SRBD1: variants seen among roughly 807,000 people sequenced by gnomAD.
SRBD1 encodes the protein S1 RNA-binding domain-containing protein 1.
Under a neutral mutation model 115.3 loss-of-function variants are expected in SRBD1, and 88 were observed. The observed-to-expected ratio is 0.76, with a 90% CI of 0.64 to 0.91. SRBD1 has a LOEUF of 0.91. Among genes scored for constraint, SRBD1 ranks in the 40% least tolerant of loss-of-function variants. SRBD1 has a pLI of 0.00. For synonymous variants in SRBD1, 509 were observed against 407.7 expected (o/e 1.25, Z -2.99); for missense variants, 1,385 against 1,177.4 (o/e 1.18, Z -2.58).
At chr2:45,398,917 T>C (rs1234856045) in intron 19 of SRBD1, among the ~76,000 whole-genome samples, 2 of 152,280 alleles carry the variant, frequency 1.3e-5, no homozygotes, top group East Asian at 3.9e-4. Flanking sequence ...TATATAAAAA[T>C]AGGAAAGGTG....
At position 45,444,106 on chromosome 2, in the gene SRBD1, C is replaced by T. The variant is rs142903338; in HGVS notation, c.2050-24212G>A. Among the ~76,000 whole-genome samples, 195 of 152,216 alleles carry T rather than the reference C, an allele frequency of 1.3e-3. 1 individual carries two copies. Among genetic ancestry groups the T allele is most frequent in the Non-Finnish European group, 2.1e-3 (144 of 68,018 alleles). ...CCATTTTACAGTACTAACACCAGAACATATTAATATTTATACTGGCCAGGA... is the reference window on the plus strand; with the variant it reads ...CCATTTTACAGTACTAACACCAGAATATATTAATATTTATACTGGCCAGGA... On this transcript the variant is annotated intron_variant, in intron 16 of 20. Coordinates refer to ENST00000263736, the MANE Select transcript of SRBD1 (RefSeq NM_018079.5).
intron 16 of SRBD1, among the ~76,000 whole-genome samples, chr2:45,462,910 G>A (rs981626160): frequency 1.9e-4 from 28 of 151,056 alleles, no homozygotes; most frequent in African/African-American, 5.1e-4. Flanking sequence ...TGTTCAAAAC[G>A]ACAACACATG....
chr2:45,472,293 G>T (rs964359366), intron 16 of SRBD1, among the ~76,000 whole-genome samples: 8 of 152,142 alleles, frequency 5.3e-5, no homozygotes, highest in Non-Finnish European at 1.0e-4. Flanking sequence ...AAATAGATTA[G>T]TGTTGTCTGG....
At chr2:45,475,659 T>C (rs1669782929) in intron 16 of SRBD1, among the ~76,000 whole-genome samples, 1 of 152,148 alleles carries the variant, frequency 6.6e-6, no homozygotes, top group African/African-American at 2.4e-5. Flanking sequence ...TGAATATAAT[T>C]CCTCTTCACT....
At chr2:45,557,395 A>T (rs1672514970) in intron 10 of SRBD1, among the ~76,000 whole-genome samples, 1 of 152,158 alleles carries the variant, frequency 6.6e-6, no homozygotes, top group Admixed American at 6.5e-5. Context: ...TGCAGGAAAA[A>T]GCCAGAAATC....
chr2:45,418,900 T>C (rs1241080499), intron 17 of SRBD1, among the ~76,000 whole-genome samples: 2 of 152,200 alleles, frequency 1.3e-5, no homozygotes, highest in Non-Finnish European at 2.9e-5. Context: ...TCAGCATACA[T>C]ACAAAGTGAG....
At chr2:45,537,617 G>C (rs1366252784) in intron 14 of SRBD1, among the ~76,000 whole-genome samples, 2 of 152,150 alleles carry the variant, frequency 1.3e-5, no homozygotes, top group African/African-American at 2.4e-5. Context: ...TATAAAATGG[G>C]TGTGTTTTGG....
At chr2:45,486,816 T>C (rs906663688) in intron 15 of SRBD1, among the ~76,000 whole-genome samples, 4 of 151,874 alleles carry the variant, frequency 2.6e-5, no homozygotes, top group Non-Finnish European at 4.4e-5. Context: ...CACAGGGGAA[T>C]AGAAAGGATA....
At chr2:45,533,175 T>G (rs537717862) in intron 14 of SRBD1, among the ~76,000 whole-genome samples, 2 of 152,172 alleles carry the variant, frequency 1.3e-5, no homozygotes, top group Non-Finnish European at 2.9e-5. Flanking sequence ...ATGGTTCCAG[T>G]GGTAGCAATT....
chr2:45,537,537 G>C (rs984588723), intron 14 of SRBD1, among the ~76,000 whole-genome samples: 2 of 152,082 alleles, frequency 1.3e-5, no homozygotes, highest in African/African-American at 4.8e-5. Context: ...AGGAGTAATG[G>C]GATGTTTTTG....
chr2:45,518,580 C>A (rs955329256), intron 14 of SRBD1, among the ~76,000 whole-genome samples: 1 of 152,174 alleles, frequency 6.6e-6, no homozygotes, highest in African/African-American at 2.4e-5. Flanking sequence ...GAAACCATGA[C>A]TAAGGACAAG....
At chr2:45,566,930 G>A (rs988706179) in intron 9 of SRBD1, among the ~76,000 whole-genome samples, 2 of 151,970 alleles carry the variant, frequency 1.3e-5, no homozygotes, top group Admixed American at 1.3e-4. Context: ...TTAATGAATG[G>A]GATTTTAATA....
At chr2:45,531,752 G>T (rs1053105766) in intron 14 of SRBD1, among the ~76,000 whole-genome samples, 10 of 151,718 alleles carry the variant, frequency 6.6e-5, no homozygotes, top group African/African-American at 2.4e-4. Context: ...CATGTTTACA[G>T]GAAAATAAAT....
intron 16 of SRBD1, among the ~76,000 whole-genome samples, chr2:45,424,697 A>G (rs1304740787): frequency 1.3e-5 from 2 of 152,222 alleles, no homozygotes; most frequent in Non-Finnish European, 1.5e-5. Flanking sequence ...GTGATGTGTG[A>G]TAAGTGCCCT....
chr2:45,512,926 T>A (rs1454398978), intron 14 of SRBD1, among the ~76,000 whole-genome samples: 1 of 152,070 alleles, frequency 6.6e-6, no homozygotes, highest in Non-Finnish European at 1.5e-5. Flanking sequence ...CTAAGGGAAG[T>A]AGAAAGAGAC....
At chr2:45,459,237 A>C (rs1345615118) in intron 16 of SRBD1, among the ~76,000 whole-genome samples, 1 of 152,238 alleles carries the variant, frequency 6.6e-6, no homozygotes, top group Non-Finnish European at 1.5e-5. Flanking sequence ...AATAACTAAC[A>C]GAAGTTTAAA....
chr2:45,451,403 T>C (rs1668988965), intron 16 of SRBD1, among the ~76,000 whole-genome samples: 1 of 152,202 alleles, frequency 6.6e-6, no homozygotes, highest in Non-Finnish European at 1.5e-5. Context: ...TGCATTAATA[T>C]TGCACCTTTC....
chr2:45,473,306 A>G (rs1230044824), intron 16 of SRBD1, among the ~76,000 whole-genome samples: 1 of 152,038 alleles, frequency 6.6e-6, no homozygotes, highest in African/African-American at 2.4e-5. Flanking sequence ...ACTTTTTATC[A>G]TTTCTTTTTC....
At chr2:45,579,304 T>C (rs1673272701) in intron 7 of SRBD1, among the ~76,000 whole-genome samples, 1 of 152,202 alleles carries the variant, frequency 6.6e-6, no homozygotes, top group Middle Eastern at 3.2e-3. Context: ...ACTTCTACAG[T>C]AGAAGTGTGA....
Sources: allele counts gnomAD v4.1 joint callset (sites outside exome capture counted in the v4.1 genomes callset), GRCh38; gene constraint gnomAD v4.1.1; transcripts MANE v1.5; gene names NCBI Gene and HGNC (gene_info 2026-07-23, HGNC 2026-07-21).